The following ZMYND8 variants were observed in gnomAD, a reference collection of about 807,000 sequenced individuals.
The protein encoded by ZMYND8 is MYND-type zinc finger-containing chromatin reader ZMYND8.
ZMYND8 carries 37 observed loss-of-function variants against 140.8 expected under a neutral mutation model. That is an observed-to-expected ratio of 0.26 (90% confidence interval 0.20 to 0.35). ZMYND8 has a LOEUF of 0.35. Among genes scored for constraint, ZMYND8 ranks in the 10% least tolerant of loss-of-function variants. The pLI, the probability that ZMYND8 is intolerant of heterozygous loss-of-function variation, is 1.00. For synonymous variants in ZMYND8, 592 were observed against 597.1 expected (o/e 0.99, Z 0.12); for missense variants, 1,068 against 1,570.0 (o/e 0.68, Z 5.40).
At chr20:47,312,453 C>T (rs966036461) in intron 2 of ZMYND8, among the ~76,000 whole-genome samples, 2 of 152,086 alleles carry the variant, frequency 1.3e-5, no homozygotes, top group Non-Finnish European at 2.9e-5. Flanking sequence ...CAACAGGTAC[C>T]TTGAGGGTGA....
At chr20:47,212,757 T>C (rs779157877) in intron 21 of ZMYND8, 32 bp from the exon 22 acceptor site, 13 of 1,571,874 alleles carry the variant, frequency 8.3e-6, no homozygotes, top group Non-Finnish European at 9.5e-6. Flanking sequence ...CCTCAGAGTC[T>C]GTCAGAGAGC....
chr20:47,283,613 T>G lies in ZMYND8; in HGVS notation c.840A>C (p.Leu280=), dbSNP rs2076742120. ...NEIEVCPECY[L]AACQKRDNWF... is the part of the protein sequence containing the mutation. ...AGTTATCTCGTTTTTGGCAAGCAGC[T>G]AGATAACATTCTGGACATACTTCGA... Residue 280 remains leucine, a synonymous_variant, in exon 9 of 23, where the codon CTA becomes CTC. Transcript: ENST00000471951. The G allele has an allele frequency of 5.0e-6, 8 of 1,614,148 alleles. No individual in the cohort carries two copies. Among genetic ancestry groups the G allele is most frequent in the Non-Finnish European group, 6.8e-6 (8 of 1,179,990 alleles).
intron 2 of ZMYND8, among the ~76,000 whole-genome samples, chr20:47,343,625 C>T (rs2082093498): frequency 6.6e-6 from 1 of 152,088 alleles, no homozygotes; most frequent in Non-Finnish European, 1.5e-5. Flanking sequence ...GATTTTTCTG[C>T]TTCAGTCTCC....
chr20:47,260,470 GTTACTCCTATAGCACACCAAC>G (rs1349079800), intron 12 of ZMYND8, among the ~76,000 whole-genome samples: 1 of 20,180 alleles, frequency 5.0e-5, no homozygotes, highest in Non-Finnish European at 1.0e-4. Context: ...AACACACCCA[GTTACTCCTATAGCACACCAAC>G]TTAATCCTAA....
intron 4 of ZMYND8, among the ~76,000 whole-genome samples, chr20:47,295,264 G>A (rs760474185): frequency 4.6e-5 from 7 of 152,128 alleles, no homozygotes; most frequent in African/African-American, 7.2e-5. Flanking sequence ...ATGGTGGCAC[G>A]CATCCGTAGT....
intron 16 of ZMYND8, 126 bp downstream of exon 16, chr20:47,236,198 TAA>T: frequency 1.8e-6 from 2 of 1,120,572 alleles, no homozygotes; most frequent in Non-Finnish European, 2.5e-6. Context: ...ATTCTGTTTT[TAA>T]AAAAAAGGGT....
chr20:47,245,086 A>T (rs1200485358), intron 14 of ZMYND8, among the ~76,000 whole-genome samples: 1 of 152,048 alleles, frequency 6.6e-6, no homozygotes, highest in Admixed American at 6.6e-5. Context: ...GCCAATACAC[A>T]TATCCACCAT....
At chr20:47,352,063 T>G in intron 1 of ZMYND8, 1 of 948,324 alleles carries the variant, frequency 1.1e-6, no homozygotes, top group African/African-American at 1.8e-5. Flanking sequence ...TCAAATTAGG[T>G]GGGTAGAAGG....
rs200094339 is a variant in ZMYND8, at chr20:47,276,305, G to A, written c.1480+9C>T. 22 of 1,525,172 alleles carry A rather than the reference G, an allele frequency of 1.4e-5. No homozygotes were observed. The highest frequency in any genetic ancestry group is 1.2e-4 in the Admixed American group (6 of 48,924). 94.5% of individuals were successfully genotyped at this position (1,525,172 alleles called of 1,614,324 possible). A position where few individuals can be genotyped will look rare whatever the true frequency, so the allele number is the denominator to read the frequency against. ...GGGCCTCCTCCCCGCTCCCCCGCAC[G>A]GAGCTGACCTGTGCTCTTATCCAGG... On this transcript the variant is annotated intron_variant, in intron 11 of 22. Coordinates refer to ENST00000471951, the MANE Select transcript of ZMYND8 (RefSeq NM_001281775.3).
intron 2 of ZMYND8, among the ~76,000 whole-genome samples, chr20:47,316,346 A>AG: frequency 6.6e-6 from 1 of 151,220 alleles, no homozygotes; most frequent in South Asian, 2.1e-4. Flanking sequence ...AAAAAAAAAA[A>AG]GGAACCAAGC....
At chr20:47,239,604 A>G (rs2039693475) in intron 14 of ZMYND8, among the ~76,000 whole-genome samples, 4 of 152,232 alleles carry the variant, frequency 2.6e-5, no homozygotes, top group Admixed American at 1.3e-4. Flanking sequence ...CAATACCTCC[A>G]AAGAGCCAGA....
At chr20:47,345,420 G>A (rs926214520) in intron 2 of ZMYND8, among the ~76,000 whole-genome samples, 1 of 152,014 alleles carries the variant, frequency 6.6e-6, no homozygotes, top group Non-Finnish European at 1.5e-5. Context: ...GCCCAGGTAG[G>A]CAGGTCACGG....
intron 16 of ZMYND8, among the ~76,000 whole-genome samples, chr20:47,235,703 T>C (rs1378321822): frequency 7.0e-6 from 1 of 143,322 alleles, no homozygotes; most frequent in East Asian, 2.0e-4. Context: ...TGAGACTCCA[T>C]CTCAAAAAAA....
chr20:47,218,757 A>ATCC (rs374789958), intron 21 of ZMYND8, among the ~76,000 whole-genome samples: 1 of 152,250 alleles, frequency 6.6e-6, no homozygotes, highest in African/African-American at 2.4e-5. Context: ...CCAAGTTCAT[A>ATCC]TCCTCCCTCC....
chr20:47,238,138 C>T (rs911402879), intron 15 of ZMYND8: 3 of 152,882 alleles, frequency 2.0e-5, no homozygotes, highest in African/African-American at 7.2e-5. Flanking sequence ...CTGAAAGCAA[C>T]CTAAATGCCC....
In ZMYND8 at chr20:47,276,460, G is replaced by A. The variant is rs370213736; in HGVS notation, c.1334C>T (p.Ser445Phe). 4 of 1,614,042 alleles carry A rather than the reference G, an allele frequency of 2.5e-6. No individual in the cohort carries two copies. The highest frequency in any genetic ancestry group is 3.4e-6 in the Non-Finnish European group (4 of 1,180,006). Reference sequence around the variant, plus strand: ...GGGGGAGCGCGGCATATCCGACAAGGAAATCCGGCGGCCTGTGCCCCCACT... The same window carrying A: ...GGGGGAGCGCGGCATATCCGACAAGAAAATCCGGCGGCCTGTGCCCCCACT... ...VLSGGTGRRISLSDMPRSPMS... is the reference protein window; with the variant it reads ...VLSGGTGRRIFLSDMPRSPMS... The change falls in exon 11 of 23, where the codon TCC becomes TTC. Residue 445 changes from serine to phenylalanine, a missense_variant. Physicochemically the swap from Ser to Phe is radical, Grantham distance 155. Transcript: ENST00000471951.
intron 16 of ZMYND8, among the ~76,000 whole-genome samples, chr20:47,234,079 C>T (rs762997435): frequency 1.3e-5 from 2 of 152,204 alleles, no homozygotes; most frequent in Admixed American, 1.3e-4. Flanking sequence ...GAGACAGTTT[C>T]GCTTTGTAGC....
chr20:47,291,804 A>G lies in ZMYND8; in HGVS notation c.652T>C (p.Leu218=), dbSNP rs959856351. Residue 218 remains leucine, a synonymous_variant, in exon 6 of 23, where the codon TTG becomes CTG. Coordinates refer to ENST00000471951, the MANE Select transcript of ZMYND8 (RefSeq NM_001281775.3). ...CTTTGACGGAGGCCAACCTTTTCCA[A>G]TGTACAAAGGTCCATTGGATGGAAG... ...YIFHPMDLCT[L]EKNAKKKMYG... is the part of the protein sequence containing the mutation. The G allele has an allele frequency of 1.2e-6, 2 of 1,610,570 alleles. No homozygotes were observed. Among genetic ancestry groups the G allele is most frequent in the South Asian group, 1.1e-5 (1 of 90,142 alleles).
rs577176520 is a variant in ZMYND8, at chr20:47,223,179, T to C, written c.3256+1138A>G. 5.3e-5 allele frequency among the ~76,000 whole-genome samples: 8 copies of C among 152,318 alleles called. No homozygotes were observed. In the South Asian group the frequency reaches 1.7e-3, roughly 32 times the overall value. On this transcript the variant is annotated intron_variant, in intron 19 of 22. Transcript: ENST00000471951. Reference sequence around the variant, plus strand: ...TTTAATTCCAACCATACAAAGCTAGTATCATTTGCCACAAATAAAAGCTAA... The same window carrying C: ...TTTAATTCCAACCATACAAAGCTAGCATCATTTGCCACAAATAAAAGCTAA...
Sources: allele counts gnomAD v4.1 joint callset (sites outside exome capture counted in the v4.1 genomes callset), GRCh38; gene constraint gnomAD v4.1.1; transcripts MANE v1.5; gene names NCBI Gene and HGNC (gene_info 2026-07-23, HGNC 2026-07-21).